PCLO: variants seen among roughly 807,000 people sequenced by gnomAD.
PCLO encodes the protein piccolo presynaptic cytomatrix protein.
Under a neutral mutation model 427.5 loss-of-function variants are expected in PCLO, and 82 were observed. The ratio of observed to expected loss-of-function variants is 0.19; its 90% CI spans 0.16 to 0.23. The LOEUF is 0.23. Among genes scored for constraint, PCLO ranks in the 10% least tolerant of loss-of-function variants. The probability of loss-of-function intolerance (pLI) is 1.00; values close to 1 mark genes in which losing one functional copy is unlikely to be tolerated. For missense variants in PCLO, 6,239 were observed against 6,115.9 expected, an observed-to-expected ratio of 1.02 and a Z score of -0.67; for synonymous variants, 2,357 against 2,155.4, an observed-to-expected ratio of 1.09 and a Z score of -2.59.
chr7:82,990,198 C>A (rs1407985371), intron 3 of PCLO, among the ~76,000 whole-genome samples: 2 of 152,008 alleles, frequency 1.3e-5, no homozygotes, highest in African/African-American at 4.8e-5. Flanking sequence ...GTATACAAGA[C>A]TATTGAGGAT....
chr7:83,039,729 A>G (rs1471328456), intron 3 of PCLO, among the ~76,000 whole-genome samples: 12 of 152,242 alleles, frequency 7.9e-5, no homozygotes, highest in Non-Finnish European at 4.4e-5. Context: ...CATTTCTACA[A>G]AATAACCAGC....
chr7:82,811,519 G>A (rs1317065326), intron 20 of PCLO, among the ~76,000 whole-genome samples: 1 of 151,514 alleles, frequency 6.6e-6, no homozygotes, highest in Non-Finnish European at 1.5e-5. Context: ...GGTTTTAAGT[G>A]TCATTGTGCC....
intron 3 of PCLO, among the ~76,000 whole-genome samples, chr7:82,973,469 A>G (rs1230826995): frequency 6.6e-6 from 1 of 152,188 alleles, no homozygotes; most frequent in Non-Finnish European, 1.5e-5. Context: ...AAAATAGTCA[A>G]CATAAAATAC....
At chr7:83,028,743 C>T (rs1321432382) in intron 3 of PCLO, among the ~76,000 whole-genome samples, 2 of 151,120 alleles carry the variant, frequency 1.3e-5, no homozygotes, top group South Asian at 2.1e-4. Flanking sequence ...CAGCATGGTA[C>T]TGGTACCAAA....
At chr7:82,977,557 T>A (rs1051199421) in intron 3 of PCLO, among the ~76,000 whole-genome samples, 1 of 151,680 alleles carries the variant, frequency 6.6e-6, no homozygotes, top group Admixed American at 6.6e-5. Flanking sequence ...GGATTACAGG[T>A]GCCCACCACC....
At chr7:82,881,412 T>G (rs1793505954) in intron 9 of PCLO, among the ~76,000 whole-genome samples, 1 of 152,136 alleles carries the variant, frequency 6.6e-6, no homozygotes, top group Non-Finnish European at 1.5e-5. Context: ...AAACTGTAAT[T>G]ATAACCATCT....
At chr7:82,828,472 G>T (rs867238907) in intron 16 of PCLO, among the ~76,000 whole-genome samples, 11 of 151,904 alleles carry the variant, frequency 7.2e-5, no homozygotes, top group African/African-American at 2.4e-4. Flanking sequence ...CAACACTCTT[G>T]GTAAAGTATA....
intron 20 of PCLO, among the ~76,000 whole-genome samples, chr7:82,806,713 C>A (rs1804392588): frequency 1.3e-5 from 2 of 152,282 alleles, no homozygotes; most frequent in African/African-American, 4.8e-5. Flanking sequence ...TTTTGACTCC[C>A]AACCCACTCT....
intron 10 of PCLO, among the ~76,000 whole-genome samples, chr7:82,850,497 G>A (rs907485768): frequency 1.3e-5 from 2 of 151,858 alleles, no homozygotes; most frequent in African/African-American, 4.8e-5. Flanking sequence ...ATAACCTCTA[G>A]GATTACTTAA....
chr7:83,161,395 G>A (rs981067615), intron 1 of PCLO, among the ~76,000 whole-genome samples: 1 of 152,132 alleles, frequency 6.6e-6, no homozygotes, highest in Non-Finnish European at 1.5e-5. Flanking sequence ...CTCTACTAGA[G>A]GGTGCAAAGT....
At chr7:82,951,536 T>G in intron 5 of PCLO, 46 bp from the exon 6 acceptor site, 1 of 1,330,960 alleles carries the variant, frequency 7.5e-7, no homozygotes, top group Non-Finnish European at 1.0e-6. Context: ...GAATGAATGA[T>G]GCTTTTTGAG....
intron 3 of PCLO, among the ~76,000 whole-genome samples, chr7:82,970,425 T>C (rs1314171090): frequency 3.3e-5 from 5 of 151,910 alleles, no homozygotes; most frequent in Non-Finnish European, 5.9e-5. Context: ...AGAAAGAAAC[T>C]ATTAGAGGAA....
chr7:83,138,097 C>T (rs1013330053), intron 2 of PCLO, among the ~76,000 whole-genome samples: 1 of 152,034 alleles, frequency 6.6e-6, no homozygotes, highest in African/African-American at 2.4e-5. Flanking sequence ...AATCATGCAG[C>T]CAGACAAAAG....
At chr7:83,058,997 G>T (rs1233632802) in intron 3 of PCLO, among the ~76,000 whole-genome samples, 3 of 151,906 alleles carry the variant, frequency 2.0e-5, no homozygotes, top group African/African-American at 7.3e-5. Context: ...AATGATCTCA[G>T]ATTAGAAGGA....
chr7:83,075,401 G>T (rs1789926102), intron 3 of PCLO, among the ~76,000 whole-genome samples: 1 of 152,150 alleles, frequency 6.6e-6, no homozygotes, highest in Non-Finnish European at 1.5e-5. Flanking sequence ...TCACTTAGAT[G>T]AGTTGGTCTT....
intron 3 of PCLO, among the ~76,000 whole-genome samples, chr7:83,130,783 T>C (rs1791551134): frequency 6.6e-6 from 1 of 152,200 alleles, no homozygotes; most frequent in African/African-American, 2.4e-5. Context: ...CTCAGTTACA[T>C]CACTGGGTCT....
intron 12 of PCLO, among the ~76,000 whole-genome samples, 191 bp from the exon 13 acceptor site, chr7:82,845,676 T>C (rs1584040074): frequency 1.3e-5 from 2 of 152,216 alleles, no homozygotes; most frequent in Middle Eastern, 6.8e-3. Context: ...CTGAGAAGAG[T>C]GACATAATGC....
chr7:82,972,378 A>G (rs1795926157), intron 3 of PCLO, among the ~76,000 whole-genome samples: 1 of 152,066 alleles, frequency 6.6e-6, no homozygotes, highest in African/African-American at 2.4e-5. Flanking sequence ...AACTATAGCA[A>G]CAATCCCATT....
intron 6 of PCLO, among the ~76,000 whole-genome samples, chr7:82,929,932 C>A (rs931009977): frequency 3.3e-5 from 5 of 152,098 alleles, no homozygotes; most frequent in Non-Finnish European, 5.9e-5. Context: ...CTAAGCTAGG[C>A]CATTATGACA....
Sources: allele counts gnomAD v4.1 joint callset (sites outside exome capture counted in the v4.1 genomes callset), GRCh38; gene constraint gnomAD v4.1.1; transcripts MANE v1.5; gene names NCBI Gene and HGNC (gene_info 2026-07-23, HGNC 2026-07-21).